Variants in KIF26B observed in about 807,000 individuals in gnomAD.
The protein encoded by KIF26B is kinesin family member 26B, also known as kinesin-like protein KIF26B.
Under a neutral mutation model 151.2 loss-of-function variants are expected in KIF26B, and 63 were observed. The ratio of observed to expected loss-of-function variants is 0.42; its 90% CI spans 0.34 to 0.51. The LOEUF (loss-of-function observed/expected upper bound fraction) is 0.51, where lower values mean the gene tolerates loss of function less well. KIF26B is among the 20% of genes least tolerant of loss of function. KIF26B has a pLI of 0.07. For synonymous variants in KIF26B, 1,357 were observed against 1,262.1 expected (o/e 1.08, Z -1.59); for missense variants, 2,813 against 2,913.6 (o/e 0.97, Z 0.79).
At position 245,156,611 on chromosome 1, in the gene KIF26B, C is replaced by A. The variant is rs1227563764; in HGVS notation, c.393C>A (p.Asn131Lys). 3 of 1,525,472 alleles carry A rather than the reference C, an allele frequency of 2.0e-6. No individual in the cohort carries two copies. Among genetic ancestry groups the A allele is most frequent in the African/African-American group, 1.4e-5 (1 of 71,032 alleles). The allele number at this position is 1,525,472 out of a possible 1,614,324, so 94.5% of individuals were successfully genotyped here. ...CGGACCGCGGCGTCTGGTGCGAGAACTGCAACGCCCGCCTGGTGGAGCTCA... is the reference window on the plus strand; with the variant it reads ...CGGACCGCGGCGTCTGGTGCGAGAAATGCAACGCCCGCCTGGTGGAGCTCA... ...PGSDRGVWCE[N>K]CNARLVELKR... The change falls in exon 2 of 15, where the codon AAC becomes AAA. Residue 131 changes from asparagine to lysine, a missense_variant. Coordinates refer to ENST00000407071, the MANE Select transcript of KIF26B (RefSeq NM_018012.4).
At chr1:245,317,918 C>T (rs1298362672) in intron 2 of KIF26B, among the ~76,000 whole-genome samples, 1 of 152,194 alleles carries the variant, frequency 6.6e-6, no homozygotes, top group Non-Finnish European at 1.5e-5. Flanking sequence ...TCTTATCTTT[C>T]CGTCTTCAAT....
chr1:245,449,428 GT>G (rs747452201), intron 4 of KIF26B, among the ~76,000 whole-genome samples: 9 of 151,982 alleles, frequency 5.9e-5, no homozygotes, highest in Non-Finnish European at 1.0e-4. Flanking sequence ...AATTGCATTT[GT>G]TTATGAATTG....
At chr1:245,390,436 C>G (rs1442494089) in intron 3 of KIF26B, among the ~76,000 whole-genome samples, 1 of 152,088 alleles carries the variant, frequency 6.6e-6, no homozygotes, top group African/African-American at 2.4e-5. Flanking sequence ...CCAGGATGGT[C>G]TCGTGATCCA....
chr1:245,603,300 CAGTGG>C (rs1382659855), intron 6 of KIF26B, among the ~76,000 whole-genome samples: 1 of 152,138 alleles, frequency 6.6e-6, no homozygotes, highest in Non-Finnish European at 1.5e-5. Context: ...TGGCCTGGCT[CAGTGG>C]AGTGAAGGGG....
At chr1:245,226,222 A>G (rs533501408) in intron 2 of KIF26B, 3 of 152,366 alleles carry the variant, frequency 2.0e-5, no homozygotes, top group African/African-American at 7.2e-5. Flanking sequence ...ACTTCCACCT[A>G]AAGTCCCCTG....
chr1:245,631,609 T>C (rs1259379585), intron 9 of KIF26B, among the ~76,000 whole-genome samples: 1 of 152,184 alleles, frequency 6.6e-6, no homozygotes, highest in Non-Finnish European at 1.5e-5. Context: ...GGTGGCCTGG[T>C]TGCGTGAATT....
At chr1:245,242,839 A>G (rs898155784) in intron 2 of KIF26B, among the ~76,000 whole-genome samples, 12 of 152,204 alleles carry the variant, frequency 7.9e-5, no homozygotes, top group Middle Eastern at 3.4e-3. Flanking sequence ...TTTAGCAGAG[A>G]CGGGGTTTCA....
chr1:245,520,564 CCATT>C (rs1216504549), intron 4 of KIF26B, among the ~76,000 whole-genome samples: 9 of 113,570 alleles, frequency 7.9e-5, no homozygotes, highest in Admixed American at 1.8e-4. Flanking sequence ...ATCCATCCAC[CCATT>C]CATCCATCCA....
chr1:245,212,736 C>G (rs921684070), intron 2 of KIF26B, among the ~76,000 whole-genome samples: 3 of 152,232 alleles, frequency 2.0e-5, no homozygotes, highest in Non-Finnish European at 4.4e-5. Flanking sequence ...CGTCGGGCCC[C>G]GAGTCAGCCG....
chr1:245,635,578 C>A (rs539727970), intron 9 of KIF26B, among the ~76,000 whole-genome samples: 1 of 152,054 alleles, frequency 6.6e-6, no homozygotes, highest in Non-Finnish European at 1.5e-5. Context: ...TTTGATTCAT[C>A]GACTTTTCTC....
At chr1:245,440,428 G>GAACTATCTCTT (rs1659049823) in intron 4 of KIF26B, among the ~76,000 whole-genome samples, 1 of 152,150 alleles carries the variant, frequency 6.6e-6, no homozygotes, top group Admixed American at 6.5e-5. Flanking sequence ...TTAAGACGGG[G>GAACTATCTCTT]AAGAAGCAGC....
chr1:245,696,823 G>C (rs957286911), intron 12 of KIF26B, among the ~76,000 whole-genome samples: 1 of 152,180 alleles, frequency 6.6e-6, no homozygotes, highest in African/African-American at 2.4e-5. Context: ...AAAAAGTGAG[G>C]TTTTGGCCGG....
intron 2 of KIF26B, among the ~76,000 whole-genome samples, chr1:245,233,114 G>A (rs1670031415): frequency 6.6e-6 from 1 of 152,170 alleles, no homozygotes; most frequent in African/African-American, 2.4e-5. Flanking sequence ...CTCAGCAAGC[G>A]TTCATTAGTC....
chr1:245,273,142 A>G (rs1354272872), intron 2 of KIF26B, among the ~76,000 whole-genome samples: 1 of 152,084 alleles, frequency 6.6e-6, no homozygotes, highest in Non-Finnish European at 1.5e-5. Context: ...AGCCAGGCAC[A>G]GTGGCTAACA....
At chr1:245,365,851 C>A (rs1672937065) in intron 2 of KIF26B, among the ~76,000 whole-genome samples, 1 of 152,138 alleles carries the variant, frequency 6.6e-6, no homozygotes, top group Non-Finnish European at 1.5e-5. Flanking sequence ...GAGGTCACTG[C>A]AGAACTCCAA....
intron 4 of KIF26B, among the ~76,000 whole-genome samples, chr1:245,522,738 A>G (rs1162006397): frequency 6.6e-6 from 1 of 152,176 alleles, no homozygotes; most frequent in East Asian, 1.9e-4. Context: ...GATGTCCAGG[A>G]CCTGAAACTG....
chr1:245,488,463 A>T lies in KIF26B; in HGVS notation c.1167-52304A>T, dbSNP rs1660328427. On this transcript the variant is annotated intron_variant, in intron 4 of 14. Transcript: ENST00000407071. This position sits in a 1 kb window ranked among gnomAD's most constrained non-coding sequence, Gnocchi z 4.6. ...AGGATTGTTTCAGAGGATATGAAGGACAAGGGACTGAGCCATGACACCTGT... is the reference window on the plus strand; with the variant it reads ...AGGATTGTTTCAGAGGATATGAAGGTCAAGGGACTGAGCCATGACACCTGT... 6.6e-6 allele frequency among the ~76,000 whole-genome samples: 1 copy of T among 152,208 alleles called. No individual in the cohort carries two copies. The highest frequency in any genetic ancestry group is 1.5e-5 in the Non-Finnish European group (1 of 68,032).
At position 245,611,814 on chromosome 1, in the gene KIF26B, C is replaced by A; in HGVS notation, c.1936C>A (p.Arg646=). The A allele has an allele frequency of 6.2e-7, 1 of 1,613,614 alleles. No individual in the cohort carries two copies. Among genetic ancestry groups the A allele is most frequent in the Non-Finnish European group, 8.5e-7 (1 of 1,179,844 alleles). Residue 646 remains arginine, a synonymous_variant, in exon 9 of 15, where the codon CGG becomes AGG. Coordinates refer to ENST00000407071, the MANE Select transcript of KIF26B (RefSeq NM_018012.4). The stretch of plus-strand genomic sequence containing the variant: ...CCAGCTGCAGAACCAGAGCGAGCTG[C>A]GGGCCCCCACCGCAGAGAAGGCTGC... The part of the protein sequence containing the change: ...GTQLQNQSEL[R]APTAEKAAFF...
At chr1:245,274,714 G>C (rs1286801747) in intron 2 of KIF26B, among the ~76,000 whole-genome samples, 5 of 152,174 alleles carry the variant, frequency 3.3e-5, no homozygotes, top group Admixed American at 3.3e-4. Context: ...CTTTATAGTA[G>C]AATGATTTAT....
Sources: gnomAD v4.1 joint callset for allele counts (sites outside exome capture counted in the v4.1 genomes callset) on GRCh38, gnomAD v4.1.1 for gene constraint, Gnocchi (gnomAD v3.1) non-coding constraint, MANE v1.5 for transcripts, NCBI Gene and HGNC (gene_info 2026-07-23, HGNC 2026-07-21) for gene names.